KIFAP3: variants seen among roughly 807,000 people sequenced by gnomAD.
The protein encoded by KIFAP3 is kinesin-associated protein 3.
KIFAP3 carries 68 observed loss-of-function variants against 106.5 expected under a neutral mutation model. That is an observed-to-expected ratio of 0.64 (90% CI 0.53 to 0.78). The LOEUF (loss-of-function observed/expected upper bound fraction) is 0.78. Among genes scored for constraint, KIFAP3 ranks in the 30% least tolerant of loss-of-function variants. The pLI is 0.00. For missense variants in KIFAP3, 780 were observed against 941.8 expected, an observed-to-expected ratio of 0.83 and a Z score of 2.25; for synonymous variants, 320 against 311.5, an observed-to-expected ratio of 1.03 and a Z score of -0.29.
In KIFAP3 at chr1:169,984,562, C is replaced by T. The variant is rs778379847; in HGVS notation, c.1393+20G>A. 4.7e-6 allele frequency: 6 copies of T among 1,283,030 alleles called. No homozygotes were observed. Among genetic ancestry groups the T allele is most frequent in the East Asian group, 2.3e-5 (1 of 42,616 alleles). 79.5% of individuals were successfully genotyped at this position (1,283,030 alleles called of 1,614,324 possible). A position where few individuals can be genotyped will look rare whatever the true frequency, so the allele number is the denominator to read the frequency against. Reference sequence around the variant, plus strand: ...AAATACCATATGCTAAAAAAGTTACCTACACTCAAAGGCACTGACCTTCAC... The same window carrying T: ...AAATACCATATGCTAAAAAAGTTACTTACACTCAAAGGCACTGACCTTCAC... On this transcript the variant is annotated intron_variant, in intron 12 of 19. Coordinates refer to ENST00000361580, the MANE Select transcript of KIFAP3 (RefSeq NM_014970.4).
chr1:170,038,233 T>C (rs1351913026), intron 5 of KIFAP3, 57 bp downstream of exon 5: 6 of 1,330,864 alleles, frequency 4.5e-6, no homozygotes, highest in Non-Finnish European at 6.1e-6. Context: ...TTAAGTTTTG[T>C]ATAAATAACT....
intron 17 of KIFAP3, among the ~76,000 whole-genome samples, chr1:169,966,380 G>T (rs1665623250): frequency 1.3e-5 from 2 of 150,420 alleles, no homozygotes; most frequent in African/African-American, 4.9e-5. Context: ...CTACTACATT[G>T]GCAAGCAGAG....
At chr1:170,018,397 C>A (rs375131461) in intron 9 of KIFAP3, among the ~76,000 whole-genome samples, 13 of 152,012 alleles carry the variant, frequency 8.6e-5, no homozygotes, top group African/African-American at 2.7e-4. Flanking sequence ...ACAGAGGACA[C>A]AACTTATTTA....
At chr1:169,938,515 T>C (rs1172283653) in intron 19 of KIFAP3, among the ~76,000 whole-genome samples, 1 of 152,082 alleles carries the variant, frequency 6.6e-6, no homozygotes, top group African/African-American at 2.4e-5. Context: ...AAGTTCACAT[T>C]GAAAATGAAA....
chr1:169,924,645 T>C (rs1663027559), intron 19 of KIFAP3, among the ~76,000 whole-genome samples: 1 of 152,138 alleles, frequency 6.6e-6, no homozygotes, highest in African/African-American at 2.4e-5. Context: ...TTCTTTCTAA[T>C]ATAGTGGGGG....
intron 19 of KIFAP3, among the ~76,000 whole-genome samples, chr1:169,953,336 A>G (rs1216838122): frequency 1.3e-5 from 2 of 152,176 alleles, no homozygotes; most frequent in Non-Finnish European, 2.9e-5. Flanking sequence ...CAACTTTTTA[A>G]AAACAGCTAT....
intron 19 of KIFAP3, among the ~76,000 whole-genome samples, chr1:169,929,769 A>C (rs1166295963): frequency 6.6e-6 from 1 of 152,028 alleles, no homozygotes; most frequent in Non-Finnish European, 1.5e-5. Flanking sequence ...TTTTTTCAAA[A>C]ATCAAGGGCA....
intron 8 of KIFAP3, among the ~76,000 whole-genome samples, chr1:170,030,053 A>C (rs1017194440): frequency 6.6e-6 from 1 of 151,954 alleles, no homozygotes; most frequent in Non-Finnish European, 1.5e-5. Context: ...AAATAATTGT[A>C]ACCTTTAGTT....
intron 1 of KIFAP3, among the ~76,000 whole-genome samples, chr1:170,059,272 T>C (rs1430185108): frequency 1.3e-5 from 2 of 151,530 alleles, no homozygotes; most frequent in East Asian, 1.9e-4. Context: ...GCAACACTAA[T>C]AAAGGAGAAA....
At chr1:170,032,017 T>G in intron 7 of KIFAP3, 33 bp from the exon 8 acceptor site, 1 of 858,544 alleles carries the variant, frequency 1.2e-6, no homozygotes, top group Non-Finnish European at 1.7e-6. Context: ...TCCATACTCA[T>G]TGAAGCAAAA....
In KIFAP3 at chr1:169,921,773, AT is replaced by A. The variant is rs778838785; in HGVS notation, c.2281del (p.Met761TrpfsTer63). ...GCCAACTGGTTGGCCAAAGCCATCC[AT>A]TCCAAGGCTAAAAAAGAAAAAAAAG... ...GQHSFPGSLG[M>X]DGFGQPVGIL... is the part of the protein sequence containing the mutation. On this transcript the variant is annotated frameshift_variant, in exon 20 of 20. Coordinates refer to ENST00000361580, the MANE Select transcript of KIFAP3 (RefSeq NM_014970.4). LOFTEE classifies it high-confidence loss of function. 1 of 1,613,456 alleles carries A rather than the reference AT, an allele frequency of 6.2e-7. No individual in the cohort carries two copies. Among genetic ancestry groups the A allele is most frequent in the Non-Finnish European group, 8.5e-7 (1 of 1,179,432 alleles).
chr1:169,942,266 G>A (rs534611772), intron 19 of KIFAP3, among the ~76,000 whole-genome samples: 3 of 152,022 alleles, frequency 2.0e-5, no homozygotes, highest in Non-Finnish European at 2.9e-5. Context: ...TTTATTTGAG[G>A]AGAAAAAAGA....
intron 3 of KIFAP3, among the ~76,000 whole-genome samples, chr1:170,042,753 A>G (rs950660291): frequency 2.0e-5 from 3 of 152,158 alleles, no homozygotes; most frequent in African/African-American, 7.2e-5. Flanking sequence ...CTTCTTCTAC[A>G]TTGGCTACCT....
At chr1:170,045,050 A>C (rs1248321202) in intron 3 of KIFAP3, among the ~76,000 whole-genome samples, 2 of 152,230 alleles carry the variant, frequency 1.3e-5, no homozygotes, top group Non-Finnish European at 2.9e-5. Context: ...ATTCAATAAG[A>C]ATCTGCTTTC....
At chr1:169,933,402 CTTAAGACTATAT>C (rs1328676131) in intron 19 of KIFAP3, among the ~76,000 whole-genome samples, 1 of 151,890 alleles carries the variant, frequency 6.6e-6, no homozygotes, top group Non-Finnish European at 1.5e-5. Flanking sequence ...TTTCTTGGTC[CTTAAGACTATAT>C]TTAACTGTTA....
chr1:170,067,274 A>AATATATGAAAAG (rs1236055173), intron 1 of KIFAP3, among the ~76,000 whole-genome samples: 1 of 152,114 alleles, frequency 6.6e-6, no homozygotes, highest in Non-Finnish European at 1.5e-5. Flanking sequence ...GGTACAGAGC[A>AATATATGAAAAG]ATATATGAAA....
At chr1:170,033,014 C>G (rs1258124073) in intron 7 of KIFAP3, among the ~76,000 whole-genome samples, 1 of 151,686 alleles carries the variant, frequency 6.6e-6, no homozygotes, top group Non-Finnish European at 1.5e-5. Flanking sequence ...GTGGTTCCCT[C>G]CATACTTCTC....
chr1:169,948,272 T>C (rs1164541970), intron 19 of KIFAP3, among the ~76,000 whole-genome samples: 1 of 151,854 alleles, frequency 6.6e-6, no homozygotes. Context: ...TGGCAATTGA[T>C]AGGTGAAAAT....
intron 8 of KIFAP3, among the ~76,000 whole-genome samples, chr1:170,029,607 A>AACG (rs1189757669): frequency 6.6e-6 from 1 of 151,966 alleles, no homozygotes; most frequent in Non-Finnish European, 1.5e-5. Context: ...CAACAACAAC[A>AACG]ACAACAAAAA....
Sources: allele counts gnomAD v4.1 joint callset (sites outside exome capture counted in the v4.1 genomes callset), GRCh38; gene constraint gnomAD v4.1.1; transcripts MANE v1.5; gene names NCBI Gene and HGNC (gene_info 2026-07-23, HGNC 2026-07-21).